Variants in PRKAB2 observed in about 807,000 individuals in gnomAD.
The protein encoded by PRKAB2 is 5'-AMP-activated protein kinase subunit beta-2.
Under a neutral mutation model 29.8 loss-of-function variants are expected in PRKAB2, and 18 were observed. The observed-to-expected ratio is 0.60, with a 90% CI of 0.42 to 0.89. The LOEUF is 0.89. Ranked by LOEUF, PRKAB2 falls within the 40% of genes least tolerant of loss-of-function variation. The pLI is 0.00. For missense variants in PRKAB2, 270 were observed against 344.3 expected (o/e 0.78, Z 1.71); for synonymous variants, 136 against 125.9 (o/e 1.08, Z -0.54).
At chr1:147,161,677 A>AGGGC in intron 7 of PRKAB2, 35 bp downstream of exon 7, 1 of 1,550,818 alleles carries the variant, frequency 6.4e-7, no homozygotes, top group Non-Finnish European at 8.9e-7. Context: ...CTCTCATTCC[A>AGGGC]GGGAGCTCTG....
Position 147,172,021 on chromosome 1 carries a change from C to T in PRKAB2, c.124G>A (p.Asp42Asn), listed in dbSNP as rs920476994. 6.3e-7 allele frequency: 1 copy of T among 1,598,382 alleles called. No homozygotes were observed. The highest frequency in any genetic ancestry group is 1.1e-5 in the South Asian group (1 of 87,624). ...TCAGGGAGGCTGAACACGCTGGGGT[C>T]GTCCGTACTCCCCACCATGATCTTG... ...EHKIMVGSTD[D>N]PSVFSLPDSK... is the part of the protein sequence containing the mutation. Residue 42 changes from aspartate to asparagine, a missense_variant, in exon 2 of 8, where the codon GAC becomes AAC. Asp to Asn is a conservative substitution (Grantham distance 23). Around this residue, in one of 2 missense-constraint regions of PRKAB2, gnomAD observed 228 missense variants for 255.5 expected, o/e 0.89. Coordinates refer to ENST00000254101, the MANE Select transcript of PRKAB2 (RefSeq NM_005399.5).
Position 147,167,952 on chromosome 1 carries a change from C to A in PRKAB2, c.157-19G>T. The A allele has an allele frequency of 6.9e-6, 11 of 1,604,224 alleles. No individual in the cohort carries two copies. Among genetic ancestry groups the A allele is most frequent in the Non-Finnish European group, 9.4e-6 (11 of 1,175,414 alleles). ...CAGGGAGCTGTAAGAAGGAGTAGGT[C>A]ATCCCTAGAATAAACTGTGACCCAA... On this transcript the variant is annotated intron_variant, in intron 2 of 7. Coordinates refer to ENST00000254101, the MANE Select transcript of PRKAB2 (RefSeq NM_005399.5).
chr1:147,171,967 A>G, intron 2 of PRKAB2, 22 bp downstream of exon 2: 1 of 1,593,828 alleles, frequency 6.3e-7, no homozygotes, highest in South Asian at 1.1e-5. Flanking sequence ...ACTGACACCA[A>G]CTGCGGGCAT....
chr1:147,170,361 A>G (rs1553914179), intron 2 of PRKAB2, among the ~76,000 whole-genome samples: 1 of 152,208 alleles, frequency 6.6e-6, no homozygotes, highest in Non-Finnish European at 1.5e-5. Flanking sequence ...CAGGACACCA[A>G]TTACTGCAGT....
rs1553912776 is a variant in PRKAB2 at position 147,159,264 on chromosome 1, C to T, written c.*301G>A. On this transcript the variant is annotated 3_prime_UTR_variant, in exon 8 of 8. Transcript: ENST00000254101. ...TCTTCCTATATAGTTATTCCTGCAG[C>T]GCCCCCAAACAGGTCTTGGTGAAAA... 4 of 333,802 alleles carry T rather than the reference C, an allele frequency of 1.2e-5. No homozygotes were observed. The highest frequency in any genetic ancestry group is 8.6e-4 in the Middle Eastern group (1 of 1,164). The allele number at this position is 333,802 out of a possible 1,614,324, so 20.7% of individuals were successfully genotyped here. A position where few individuals can be genotyped will look rare whatever the true frequency, so the allele number is the denominator to read the frequency against.
chr1:147,170,867 C>T (rs1333027596), intron 2 of PRKAB2, among the ~76,000 whole-genome samples: 3 of 152,214 alleles, frequency 2.0e-5, no homozygotes, highest in Non-Finnish European at 4.4e-5. Flanking sequence ...CAGGCGTGAG[C>T]CTCTGCGCCA....
In PRKAB2 at chr1:147,157,350, T is replaced by C. The variant is rs1553912552; in HGVS notation, c.*2215A>G. ...CCAGCTGGTAGGCTCCCATTTCACA[T>C]CTGGGCTGAGAGTTACCTCAGAACT... is the stretch of plus-strand genomic sequence containing the variant. On this transcript the variant is annotated 3_prime_UTR_variant, in exon 8 of 8. Transcript: ENST00000254101. The C allele has an allele frequency of 6.6e-6, 1 of 152,132 alleles. No individual in the cohort carries two copies. The highest frequency in any genetic ancestry group is 2.4e-5 in the African/African-American group (1 of 41,418). The allele number at this position is 152,132 out of a possible 1,614,324, so 9.4% of individuals were successfully genotyped here.
At chr1:147,170,829 G>A (rs1339645208) in intron 2 of PRKAB2, among the ~76,000 whole-genome samples, 2 of 152,178 alleles carry the variant, frequency 1.3e-5, no homozygotes, top group East Asian at 3.8e-4. Flanking sequence ...TGATCCAACC[G>A]CCTCGGCCTC....
At chr1:147,162,377 T>C (rs1654014305) in intron 6 of PRKAB2, 63 bp downstream of exon 6, 1 of 1,487,506 alleles carries the variant, frequency 6.7e-7, no homozygotes, top group Admixed American at 1.9e-5. Context: ...CTAGGATTAC[T>C]GAACTTTGGT....
chr1:147,169,607 T>C (rs782194711), intron 2 of PRKAB2, among the ~76,000 whole-genome samples: 2 of 152,188 alleles, frequency 1.3e-5, no homozygotes, highest in Non-Finnish European at 2.9e-5. Flanking sequence ...TAGAGGTACA[T>C]CCTAAAATGT....
At chr1:147,164,767 T>G (rs1444355585) in intron 5 of PRKAB2, among the ~76,000 whole-genome samples, 9 of 152,198 alleles carry the variant, frequency 5.9e-5, no homozygotes, top group Non-Finnish European at 1.2e-4. Flanking sequence ...ATTATAAGCG[T>G]TACCTCAATA....
intron 5 of PRKAB2, among the ~76,000 whole-genome samples, chr1:147,165,403 C>T (rs1425246475): frequency 2.0e-5 from 3 of 152,172 alleles, no homozygotes; most frequent in African/African-American, 7.2e-5. Flanking sequence ...TATTGTGCCT[C>T]CTCAGCTGAG....
At chr1:147,159,851 T>C (rs1653868666) in intron 7 of PRKAB2, among the ~76,000 whole-genome samples, 1 of 152,138 alleles carries the variant, frequency 6.6e-6, no homozygotes, top group South Asian at 2.1e-4. Flanking sequence ...CCAAGTCTTT[T>C]TATCTCATCA....
rs6937 is a variant in PRKAB2 at position 147,155,343 on chromosome 1, T to C, written c.*4222A>G. 24,803 of 152,476 alleles carry C rather than the reference T, an allele frequency of 0.16. 2,775 individuals carry two copies. The highest frequency in any genetic ancestry group is 0.58 in the East Asian group (2,960 of 5,140). The allele number at this position is 152,476 out of a possible 1,614,324, so 9.4% of individuals were successfully genotyped here. A position where few individuals can be genotyped will look rare whatever the true frequency, so the allele number is the denominator to read the frequency against. On this transcript the variant is annotated 3_prime_UTR_variant, in exon 8 of 8. Transcript: ENST00000254101. ...TAAAAAGAGGACTCACATATTTAAT[T>C]CCCTTCAAAGTAGTCTTATCTCTCC...
chr1:147,170,703 C>G (rs1553914244), intron 2 of PRKAB2, among the ~76,000 whole-genome samples: 1 of 152,120 alleles, frequency 6.6e-6, no homozygotes, highest in African/African-American at 2.4e-5. Context: ...CCTCAGCCTC[C>G]CGAGTAGCTG....
chr1:147,172,326 C>A, intron 1 of PRKAB2, 103 bp downstream of exon 1: 3 of 808,282 alleles, frequency 3.7e-6, no homozygotes, highest in Non-Finnish European at 5.5e-6. Context: ...GGAACGCCTG[C>A]AAATACCCCG....
intron 2 of PRKAB2, 145 bp downstream of exon 2, chr1:147,171,844 C>T: frequency 9.2e-7 from 1 of 1,091,340 alleles, no homozygotes; most frequent in Non-Finnish European, 1.3e-6. Context: ...AATTATCATC[C>T]AACACCTCTG....
chr1:147,170,737 G>A (rs1654485222), intron 2 of PRKAB2, among the ~76,000 whole-genome samples: 1 of 152,054 alleles, frequency 6.6e-6, no homozygotes, highest in Non-Finnish European at 1.5e-5. Context: ...GCACCAGCAT[G>A]CCCGGCTACT....
At position 147,166,948 on chromosome 1, in the gene PRKAB2, GA is replaced by G. The variant is rs1654280944; in HGVS notation, c.324-10del. The G allele has an allele frequency of 6.2e-7, 1 of 1,609,376 alleles. No individual in the cohort carries two copies. The highest frequency in any genetic ancestry group is 1.3e-5 in the African/African-American group (1 of 74,860). On this transcript the variant is annotated splice_polypyrimidine_tract_variant and intron_variant, in intron 3 of 7. Coordinates refer to ENST00000254101, the MANE Select transcript of PRKAB2 (RefSeq NM_005399.5). ...CAACAAAGTCATTATGGCTACAGAA[GA>G]AAAAAGAAAGGCAAACAGGCCAAGT...
Sources: allele counts gnomAD v4.1 joint callset (sites outside exome capture counted in the v4.1 genomes callset), GRCh38; gene constraint gnomAD v4.1.1; regional missense constraint gnomAD v4.1.1; transcripts MANE v1.5; gene names NCBI Gene and HGNC (gene_info 2026-07-23, HGNC 2026-07-21).